The following ANO2 variants were observed in gnomAD, a reference collection of about 807,000 sequenced individuals.
ANO2 encodes anoctamin-2.
ANO2 carries 101 observed loss-of-function variants against 124.2 expected under a neutral mutation model. The observed-to-expected ratio is 0.81, with a 90% CI of 0.69 to 0.96. The LOEUF (loss-of-function observed/expected upper bound fraction) is 0.96, where lower values mean the gene tolerates loss of function less well. Ranked by LOEUF, ANO2 falls within the 40% of genes least tolerant of loss-of-function variation. ANO2 has a pLI of 0.00. For missense variants in ANO2, 1,293 were observed against 1,274.5 expected, an observed-to-expected ratio of 1.01 and a Z score of -0.22; for synonymous variants, 486 against 482.5, an observed-to-expected ratio of 1.01 and a Z score of -0.09.
At chr12:5,823,044 C>G (rs954017115) in intron 7 of ANO2, among the ~76,000 whole-genome samples, 3 of 152,150 alleles carry the variant, frequency 2.0e-5, no homozygotes, top group Non-Finnish European at 4.4e-5. Flanking sequence ...ACCCTGTGTC[C>G]CTCCCACAAC....
chr12:5,814,793 C>T (rs1048410095), intron 7 of ANO2, among the ~76,000 whole-genome samples: 9 of 152,208 alleles, frequency 5.9e-5, no homozygotes, highest in African/African-American at 2.2e-4. Flanking sequence ...AAACTTTTTC[C>T]AATAACTTTA....
rs995640000 is a variant in ANO2 at position 5,827,834 on chromosome 12, A to G, written c.841-14T>C. 2.3e-5 allele frequency: 37 copies of G among 1,607,862 alleles called. No homozygotes were observed. The highest frequency in any genetic ancestry group is 2.9e-5 in the Non-Finnish European group (34 of 1,177,396). ...GATCTCGTGCACCTAAAAGGGGACG[A>G]CAGCAGAGCTGTGAGCTCCTAGTTC... On this transcript the variant is annotated splice_polypyrimidine_tract_variant and intron_variant, in intron 6 of 24. Transcript: ENST00000682330.
intron 10 of ANO2, among the ~76,000 whole-genome samples, chr12:5,773,783 G>A (rs888720185): frequency 6.6e-6 from 1 of 152,184 alleles, no homozygotes; most frequent in African/African-American, 2.4e-5. Flanking sequence ...TGGTGAGTGA[G>A]CATGGGATGC....
rs200489175 is a variant in ANO2, at chr12:5,615,261, A to G, written c.1853T>C (p.Leu618Pro). The G allele has an allele frequency of 1.3e-4, 213 of 1,613,588 alleles. No homozygotes were observed. The highest frequency in any genetic ancestry group is 1.5e-4 in the Non-Finnish European group (182 of 1,179,778). Residue 618 changes from leucine to proline, a missense_variant, in exon 17 of 25, where the codon CTG becomes CCG. By Grantham distance (98) the Leu-to-Pro change is moderately conservative. Coordinates refer to ENST00000682330, the MANE Select transcript of ANO2 (RefSeq NM_001364791.2). ...PKTEQTFEER[L>P]ILKAFLLKFV... ...CTTGAGCAAGAAAGCTTTGAGGATC[A>G]GGCGCTCTTCAAAAGTCTGTTCTGT... is the stretch of plus-strand genomic sequence containing the variant.
intron 15 of ANO2, among the ~76,000 whole-genome samples, chr12:5,647,359 C>T (rs1471021720): frequency 1.3e-5 from 2 of 152,202 alleles, no homozygotes; most frequent in African/African-American, 4.8e-5. Flanking sequence ...TCACACTTAC[C>T]GAGCCCAAGC....
intron 14 of ANO2, among the ~76,000 whole-genome samples, chr12:5,661,226 T>C (rs756746190): frequency 2.0e-5 from 3 of 152,182 alleles, no homozygotes; most frequent in Admixed American, 6.5e-5. Context: ...TTGGGTCACA[T>C]AGAATTTCTT....
At chr12:5,714,605 G>A (rs1370929738) in intron 14 of ANO2, among the ~76,000 whole-genome samples, 1 of 152,176 alleles carries the variant, frequency 6.6e-6, no homozygotes, top group East Asian at 1.9e-4. Flanking sequence ...TGTAATAGTA[G>A]TTATTGCTGC....
intron 20 of ANO2, among the ~76,000 whole-genome samples, chr12:5,595,784 T>C (rs1297391710): frequency 6.6e-6 from 1 of 152,182 alleles, no homozygotes; most frequent in Non-Finnish European, 1.5e-5. Flanking sequence ...GGAAGCACCG[T>C]GTAAAACTAA....
At chr12:5,864,166 G>A (rs571829951) in intron 3 of ANO2, among the ~76,000 whole-genome samples, 31 of 152,274 alleles carry the variant, frequency 2.0e-4, no homozygotes, top group Middle Eastern at 3.4e-3. Flanking sequence ...TGAGCCCACC[G>A]AGGCAGTAGC....
chr12:5,863,214 G>A (rs1955326280), intron 3 of ANO2, among the ~76,000 whole-genome samples: 1 of 152,130 alleles, frequency 6.6e-6, no homozygotes, highest in Non-Finnish European at 1.5e-5. Context: ...AAGGGTGAGA[G>A]AACCTCTTCC....
At chr12:5,796,697 C>T (rs951988085) in intron 10 of ANO2, among the ~76,000 whole-genome samples, 4 of 152,202 alleles carry the variant, frequency 2.6e-5, no homozygotes, top group African/African-American at 9.7e-5. Context: ...GACACTGCAG[C>T]CGGGTGGAGG....
chr12:5,902,552 G>A (rs541298585), intron 3 of ANO2, among the ~76,000 whole-genome samples: 456 of 124,658 alleles, frequency 3.7e-3, no homozygotes, highest in Admixed American at 7.7e-3. Flanking sequence ...TCGCACCACT[G>A]CACTCCAGCC....
intron 14 of ANO2, among the ~76,000 whole-genome samples, chr12:5,682,128 T>C (rs1948518720): frequency 6.6e-6 from 1 of 152,210 alleles, no homozygotes; most frequent in African/African-American, 2.4e-5. Context: ...TATCCTAAGA[T>C]CTGTTTCTCT....
intron 14 of ANO2, among the ~76,000 whole-genome samples, chr12:5,699,146 T>A (rs1949305422): frequency 6.6e-6 from 1 of 152,128 alleles, no homozygotes; most frequent in Admixed American, 6.5e-5. Flanking sequence ...ATTGTCAGAT[T>A]CACCAAAGTT....
intron 11 of ANO2, among the ~76,000 whole-genome samples, chr12:5,746,821 G>A (rs1367310382): frequency 6.6e-6 from 1 of 152,204 alleles, no homozygotes; most frequent in Non-Finnish European, 1.5e-5. Flanking sequence ...CAGACCTAAA[G>A]TAACCAATCT....
rs71064167 is a variant in ANO2, at chr12:5,739,596, TACACACACAC to T, written c.1352-207_1352-198del. Among the ~76,000 whole-genome samples, 156 of 145,180 alleles carry T rather than the reference TACACACACAC, an allele frequency of 1.1e-3. 2 individuals carry two copies. In the East Asian group the frequency reaches 0.021, roughly 20 times the overall value. Reference sequence around the variant, plus strand: ...CATCCTTGAGAGCCAATAGATATGTTACACACACACACACACACACACACACACACACACG... The same window carrying T: ...CATCCTTGAGAGCCAATAGATATGTTACACACACACACACACACACACACG... On this transcript the variant is annotated intron_variant, in intron 12 of 24. Coordinates refer to ENST00000682330, the MANE Select transcript of ANO2 (RefSeq NM_001364791.2).
chr12:5,663,167 C>T (rs1386467760), intron 14 of ANO2, among the ~76,000 whole-genome samples: 1 of 152,232 alleles, frequency 6.6e-6, no homozygotes, highest in Non-Finnish European at 1.5e-5. Flanking sequence ...GTCCAGCAGC[C>T]TGCCCTGTCC....
intron 4 of ANO2, among the ~76,000 whole-genome samples, chr12:5,835,663 C>G (rs1416649160): frequency 1.3e-5 from 2 of 152,200 alleles, no homozygotes; most frequent in African/African-American, 4.8e-5. Flanking sequence ...TGGCAAAGCC[C>G]GTGTTCTTGA....
At chr12:5,807,711 T>G (rs1207351494) in intron 7 of ANO2, among the ~76,000 whole-genome samples, 2 of 152,264 alleles carry the variant, frequency 1.3e-5, no homozygotes, top group Non-Finnish European at 2.9e-5. Flanking sequence ...AATGGTTATA[T>G]GGATCATTTT....
Sources: gnomAD v4.1 joint callset for allele counts (sites outside exome capture counted in the v4.1 genomes callset) on GRCh38, gnomAD v4.1.1 for gene constraint, MANE v1.5 for transcripts, NCBI Gene and HGNC (gene_info 2026-07-23, HGNC 2026-07-21) for gene names.